The following MACC1 variants were observed in gnomAD, a reference collection of about 807,000 sequenced individuals.
MACC1 encodes metastasis-associated in colon cancer protein 1.
Under a neutral mutation model 70.7 loss-of-function variants are expected in MACC1, and 79 were observed. The ratio of observed to expected loss-of-function variants is 1.12; its 90% confidence interval spans 0.93 to 1.35. The LOEUF (loss-of-function observed/expected upper bound fraction) is 1.35. MACC1 is among the 40% of genes most tolerant of loss of function. MACC1 has a pLI of 0.00. For missense variants in MACC1, 1,106 were observed against 978.1 expected, an observed-to-expected ratio of 1.13 and a Z score of -1.74; for synonymous variants, 361 against 347.2, an observed-to-expected ratio of 1.04 and a Z score of -0.44.
chr7:20,173,192 CA>C (rs1562591371), intron 1 of MACC1, among the ~76,000 whole-genome samples: 1 of 152,152 alleles, frequency 6.6e-6, no homozygotes. Context: ...GCCACCAAAT[CA>C]TAATTATGAG....
intron 3 of MACC1, among the ~76,000 whole-genome samples, 154 bp downstream of exon 3, chr7:20,164,102 G>C (rs1268083908): frequency 6.6e-6 from 1 of 152,030 alleles, no homozygotes; most frequent in African/African-American, 2.4e-5. Flanking sequence ...AGTCCTGTCT[G>C]ATGTTTGTAT....
chr7:20,187,838 C>A (rs1308360683), intron 1 of MACC1, among the ~76,000 whole-genome samples: 1 of 152,118 alleles, frequency 6.6e-6, no homozygotes, highest in African/African-American at 2.4e-5. Flanking sequence ...CCCCTGGTGA[C>A]CTTGCTTCAT....
chr7:20,183,827 C>T (rs1782546968), intron 1 of MACC1, among the ~76,000 whole-genome samples: 1 of 151,892 alleles, frequency 6.6e-6, no homozygotes, highest in Admixed American at 6.6e-5. Context: ...CCTGCCTCAG[C>T]TTCCCAAGTA....
intron 1 of MACC1, among the ~76,000 whole-genome samples, chr7:20,173,759 A>C (rs946481313): frequency 6.6e-6 from 1 of 152,172 alleles, no homozygotes. Flanking sequence ...GAAATGTAAT[A>C]AATTCATTTA....
chr7:20,168,802 A>G (rs535853899), intron 2 of MACC1, among the ~76,000 whole-genome samples: 1 of 152,308 alleles, frequency 6.6e-6, no homozygotes, highest in South Asian at 2.1e-4. Context: ...GTTCCTCTCA[A>G]CAGAGTTTCC....
At chr7:20,216,238 T>A (rs1287024114) in intron 1 of MACC1, among the ~76,000 whole-genome samples, 3 of 152,076 alleles carry the variant, frequency 2.0e-5, no homozygotes, top group African/African-American at 7.2e-5. Flanking sequence ...TTAAGACATT[T>A]TTAGGAAATT....
chr7:20,146,366 C>T (rs2128100592), intron 6 of MACC1, among the ~76,000 whole-genome samples: 1 of 152,158 alleles, frequency 6.6e-6, no homozygotes, highest in African/African-American at 2.4e-5. Context: ...ACAGTAAATA[C>T]ATTTTATCCA....
chr7:20,142,214 A>G (rs1206572453), intron 6 of MACC1, among the ~76,000 whole-genome samples: 1 of 152,306 alleles, frequency 6.6e-6, no homozygotes, highest in East Asian at 1.9e-4. Flanking sequence ...AAGCCTTGGC[A>G]TATAATTTTC....
chr7:20,187,007 A>ACATAAAG (rs1782599048), intron 1 of MACC1, among the ~76,000 whole-genome samples: 1 of 152,190 alleles, frequency 6.6e-6, no homozygotes, highest in Non-Finnish European at 1.5e-5. Flanking sequence ...GACTGAAATG[A>ACATAAAG]CATAAAGGAA....
In MACC1 at chr7:20,160,107, C is replaced by T. The variant is rs1320982761; in HGVS notation, c.254G>A (p.Arg85Lys). 1 of 1,612,986 alleles carries T rather than the reference C, an allele frequency of 6.2e-7. No individual in the cohort carries two copies. Among genetic ancestry groups the T allele is most frequent in the Non-Finnish European group, 8.5e-7 (1 of 1,179,746 alleles). Residue 85 changes from arginine (R) to lysine (K), a missense_variant, in exon 5 of 7, where the codon AGA becomes AAA. Coordinates refer to ENST00000400331, the MANE Select transcript of MACC1 (RefSeq NM_182762.4). ...AATATTATTTCTCTTCCTGTTATTTCTTAGTTGAGTTATGTCATCCAAAAA... is the reference window on the plus strand; with the variant it reads ...AATATTATTTCTCTTCCTGTTATTTTTTAGTTGAGTTATGTCATCCAAAAA... The part of the protein sequence containing the change: ...NPFLDDITQL[R>K]NNRKRNNISI...
intron 1 of MACC1, among the ~76,000 whole-genome samples, chr7:20,208,040 G>T (rs1434763639): frequency 1.3e-5 from 2 of 152,100 alleles, no homozygotes; most frequent in African/African-American, 4.8e-5. Flanking sequence ...CATTTCCCCT[G>T]CTGGGACTCA....
intron 1 of MACC1, among the ~76,000 whole-genome samples, chr7:20,171,663 C>T (rs986507929): frequency 3.3e-5 from 5 of 150,086 alleles, no homozygotes; most frequent in Non-Finnish European, 5.9e-5. Flanking sequence ...CTCGCTGCAA[C>T]CTCCACCTCC....
chr7:20,167,804 C>G (rs902101074), intron 2 of MACC1, among the ~76,000 whole-genome samples: 3 of 152,116 alleles, frequency 2.0e-5, no homozygotes, highest in African/African-American at 7.2e-5. Context: ...TGCAATAACA[C>G]AGAGCCCCAC....
At chr7:20,150,999 G>A (rs1781967578) in intron 6 of MACC1, among the ~76,000 whole-genome samples, 1 of 151,004 alleles carries the variant, frequency 6.6e-6, no homozygotes, top group African/African-American at 2.4e-5. Context: ...AGAGAGCTGA[G>A]ATTGTGCCAT....
chr7:20,204,076 CCTT>C (rs1782872345), intron 1 of MACC1, among the ~76,000 whole-genome samples: 1 of 152,122 alleles, frequency 6.6e-6, no homozygotes, highest in Non-Finnish European at 1.5e-5. Flanking sequence ...TTAGGTTCCT[CCTT>C]ATTATCTTTA....
chr7:20,143,631 C>T (rs1396663940), intron 6 of MACC1, among the ~76,000 whole-genome samples: 4 of 152,102 alleles, frequency 2.6e-5, no homozygotes, highest in South Asian at 2.1e-4. Context: ...CCTCATGATC[C>T]GCCCGCCTCG....
At position 20,160,154 on chromosome 7, in the gene MACC1, A is replaced by T; in HGVS notation, c.207T>A (p.Asn69Lys). ...AAAATGGGTTAGAAGCAGACAGTTG[A>T]TTCCAGAATGGATTTGCAACTTTGG... ...NASKVANPFW[N>K]QLSASNPFLD... The change falls in exon 5 of 7, where the codon AAT becomes AAA. Residue 69 changes from asparagine to lysine, a missense_variant. By Grantham distance (94) the Asn-to-Lys change is moderately conservative. Coordinates refer to ENST00000400331, the MANE Select transcript of MACC1 (RefSeq NM_182762.4). 1 of 1,612,356 alleles carries T rather than the reference A, an allele frequency of 6.2e-7. No homozygotes were observed. The highest frequency in any genetic ancestry group is 8.5e-7 in the Non-Finnish European group (1 of 1,179,590).
chr7:20,186,775 A>G (rs976970644), intron 1 of MACC1, among the ~76,000 whole-genome samples: 2 of 152,178 alleles, frequency 1.3e-5, no homozygotes, highest in Non-Finnish European at 2.9e-5. Context: ...TAATACCCAA[A>G]CAAATTAGTA....
chr7:20,159,621 T>C lies in MACC1; in HGVS notation c.740A>G (p.Gln247Arg). The C allele has an allele frequency of 6.2e-7, 1 of 1,614,140 alleles. No individual in the cohort carries two copies. Among genetic ancestry groups the C allele is most frequent in the Non-Finnish European group, 8.5e-7 (1 of 1,180,020 alleles). Residue 247 changes from glutamine (Q) to arginine (R), a missense_variant, in exon 5 of 7, where the codon CAA becomes CGA. Gln to Arg is a conservative substitution (Grantham distance 43). Coordinates refer to ENST00000400331, the MANE Select transcript of MACC1 (RefSeq NM_182762.4). ...AAGGAAAGCCCTTAGAGACACCTCT[T>C]GGAATTCTCCCACAGCCACATGACC... ...PQGHVAVGEF[Q>R]EVSLRAFLDP...
Sources: allele counts gnomAD v4.1 joint callset (sites outside exome capture counted in the v4.1 genomes callset), GRCh38; gene constraint gnomAD v4.1.1; transcripts MANE v1.5; gene names NCBI Gene and HGNC (gene_info 2026-07-23, HGNC 2026-07-21).